The following STK32B variants were observed in gnomAD, a reference collection of about 807,000 sequenced individuals.
The protein encoded by STK32B is serine/threonine-protein kinase 32B.
STK32B carries 43 observed loss-of-function variants against 52.6 expected under a neutral mutation model. The ratio of observed to expected loss-of-function variants is 0.82; its 90% CI spans 0.64 to 1.05. STK32B has a LOEUF of 1.05. Among genes scored for constraint, STK32B ranks in the 50% least tolerant of loss-of-function variants. The pLI, the probability that STK32B is intolerant of heterozygous loss-of-function variation, is 0.00. For synonymous variants in STK32B, 238 were observed against 204.3 expected, an observed-to-expected ratio of 1.17 and a Z score of -1.41; for missense variants, 621 against 534.6, an observed-to-expected ratio of 1.16 and a Z score of -1.59.
intron 1 of STK32B, among the ~76,000 whole-genome samples, chr4:5,078,506 A>G (rs150135320): frequency 2.5e-4 from 38 of 152,328 alleles, no homozygotes; most frequent in Middle Eastern, 3.4e-3. Flanking sequence ...GGTCTTTGCC[A>G]CTAGCCAAAT....
intron 4 of STK32B, among the ~76,000 whole-genome samples, chr4:5,334,626 C>A (rs1478690358): frequency 6.6e-6 from 1 of 151,914 alleles, no homozygotes; most frequent in Non-Finnish European, 1.5e-5. Flanking sequence ...TCATAGATAG[C>A]TCTTATTATT....
chr4:5,038,316 T>C, the STK32B span, among the ~76,000 whole-genome samples: 1 of 152,214 alleles, frequency 6.6e-6, no homozygotes, highest in African/African-American at 2.4e-5. Context: ...TGTTTAGATA[T>C]GGATTAAGCT....
chr4:5,036,712 G>GGCTGGAGT, the STK32B span, among the ~76,000 whole-genome samples: 2 of 143,504 alleles, frequency 1.4e-5, no homozygotes, highest in Non-Finnish European at 3.0e-5. Flanking sequence ...CTGTCATCCA[G>GGCTGGAGT]GCTGGAGTGC....
At chr4:5,437,692 A>G (rs1183597148) in intron 6 of STK32B, among the ~76,000 whole-genome samples, 3 of 152,172 alleles carry the variant, frequency 2.0e-5, no homozygotes, top group Admixed American at 6.5e-5. Flanking sequence ...AAAAATGAAG[A>G]TCATAGTAGC....
chr4:5,420,026 C>A (rs1454427432), intron 6 of STK32B, among the ~76,000 whole-genome samples: 2 of 152,168 alleles, frequency 1.3e-5, no homozygotes, highest in Non-Finnish European at 2.9e-5. Context: ...TAACTATAAC[C>A]TATAACTTCT....
chr4:5,482,652 C>G (rs1718814808), intron 11 of STK32B, among the ~76,000 whole-genome samples: 2 of 152,134 alleles, frequency 1.3e-5, no homozygotes, highest in African/African-American at 4.8e-5. Flanking sequence ...AGAGGGCATC[C>G]CTATCTTTTG....
intron 3 of STK32B, among the ~76,000 whole-genome samples, chr4:5,181,599 A>C (rs1235320284): frequency 6.6e-6 from 1 of 152,256 alleles, no homozygotes. Context: ...AGCAAATATC[A>C]CAATAAAGCA....
intron 3 of STK32B, among the ~76,000 whole-genome samples, chr4:5,170,716 A>C (rs551532435): frequency 1.9e-4 from 29 of 152,178 alleles, no homozygotes; most frequent in African/African-American, 6.7e-4. Flanking sequence ...TCATTGTTGG[A>C]CATTTGGGTT....
rs543688514 is a variant in STK32B, at chr4:5,390,323, G to A, written c.435-7884G>A. On this transcript the variant is annotated intron_variant, in intron 4 of 11. Transcript: ENST00000282908. ...CCATCCCAGTTATAATGGGCGTTTG[G>A]GTAGAGTGTCCATCGACAGGAGCTG... Among the ~76,000 whole-genome samples the A allele has an allele frequency of 2.0e-5, 3 of 152,274 alleles. No individual in the cohort carries two copies. The South Asian group carries it at 6.2e-4, about 32-fold the overall frequency.
Position 5,058,711 on chromosome 4 carries a change from C to T in STK32B, c.52+6796C>T, listed in dbSNP as rs541316499. The stretch of plus-strand genomic sequence containing the variant: ...CAAAGTAGACCATAGGAACACACCA[C>T]CATGCCCTGCTAGTTTATTTATTTA... On this transcript the variant is annotated intron_variant, in intron 1 of 11. Coordinates refer to ENST00000282908, the MANE Select transcript of STK32B (RefSeq NM_018401.3). This position sits in a 1 kb window ranked among gnomAD's most constrained non-coding sequence, Gnocchi z 4.8. 6.6e-6 allele frequency among the ~76,000 whole-genome samples: 1 copy of T among 152,178 alleles called. No homozygotes were observed. Among genetic ancestry groups the T allele is most frequent in the Non-Finnish European group, 1.5e-5 (1 of 67,982 alleles).
chr4:5,057,111 G>A (rs1742036889), intron 1 of STK32B, among the ~76,000 whole-genome samples: 1 of 152,236 alleles, frequency 6.6e-6, no homozygotes, highest in African/African-American at 2.4e-5. Flanking sequence ...AGGGCATAGA[G>A]CGGCCATTTG....
chr4:5,370,387 A>G (rs1735151424), intron 4 of STK32B, among the ~76,000 whole-genome samples: 1 of 152,212 alleles, frequency 6.6e-6, no homozygotes, highest in African/African-American at 2.4e-5. Context: ...GGAGAGAGGT[A>G]AATCCTAAAG....
intron 1 of STK32B, among the ~76,000 whole-genome samples, chr4:5,122,910 G>C (rs1715148498): frequency 6.6e-6 from 1 of 152,090 alleles, no homozygotes; most frequent in Non-Finnish European, 1.5e-5. Flanking sequence ...TACTTCAGCT[G>C]TTGGTGCTCT....
intron 3 of STK32B, among the ~76,000 whole-genome samples, chr4:5,228,538 T>C (rs1455445955): frequency 6.6e-6 from 1 of 152,238 alleles, no homozygotes; most frequent in Non-Finnish European, 1.5e-5. Context: ...TTTTGTCTTT[T>C]ATGGATCTTG....
At chr4:5,312,861 C>T (rs549709607) in intron 3 of STK32B, among the ~76,000 whole-genome samples, 1 of 152,184 alleles carries the variant, frequency 6.6e-6, no homozygotes, top group East Asian at 1.9e-4. Context: ...GGAATTGCCA[C>T]AGTGACTTCC....
chr4:5,099,761 C>T (rs1397267315), intron 1 of STK32B, among the ~76,000 whole-genome samples: 2 of 152,082 alleles, frequency 1.3e-5, no homozygotes, highest in African/African-American at 4.8e-5. Context: ...TGATACCCAG[C>T]TCGGCTGCCT....
Position 5,210,970 on chromosome 4 carries a change from A to T in STK32B, c.260+42520A>T, listed in dbSNP as rs114471170. 4.4e-3 allele frequency among the ~76,000 whole-genome samples: 674 copies of T among 151,804 alleles called. 6 individuals carry two copies. The highest frequency in any genetic ancestry group is 0.024 in the Middle Eastern group (7 of 292). ...ACCATCATGCCTAGCTAATTTTTAA[A>T]TTTGTGTAGAGATGGGGTCTAACTA... On this transcript the variant is annotated intron_variant, in intron 3 of 11. Coordinates refer to ENST00000282908, the MANE Select transcript of STK32B (RefSeq NM_018401.3).
chr4:5,189,220 G>T (rs1417769254), intron 3 of STK32B, among the ~76,000 whole-genome samples: 1 of 152,140 alleles, frequency 6.6e-6, no homozygotes, highest in Non-Finnish European at 1.5e-5. Flanking sequence ...CATTCTGTAG[G>T]TGTGGACAAA....
At chr4:5,293,521 T>G (rs1729014224) in intron 3 of STK32B, among the ~76,000 whole-genome samples, 1 of 152,204 alleles carries the variant, frequency 6.6e-6, no homozygotes, top group Non-Finnish European at 1.5e-5. Context: ...AGTTTTGATT[T>G]GTATTTCTCT....
Sources: allele counts gnomAD v4.1 joint callset (sites outside exome capture counted in the v4.1 genomes callset), GRCh38; gene constraint gnomAD v4.1.1; non-coding constraint Gnocchi (gnomAD v3.1); transcripts MANE v1.5; gene names NCBI Gene and HGNC (gene_info 2026-07-23, HGNC 2026-07-21).